Variants in IKZF2 observed in about 807,000 individuals in gnomAD.
IKZF2 encodes the protein IKAROS family zinc finger 2, also known as zinc finger protein Helios.
A neutral mutation model predicts 49.2 loss-of-function variants in IKZF2; 15 were observed. That is an observed-to-expected ratio of 0.30 (90% confidence interval 0.20 to 0.47). The LOEUF (loss-of-function observed/expected upper bound fraction) is 0.47. IKZF2 is among the 20% of genes least tolerant of loss of function. The pLI is 1.00. For missense variants in IKZF2, 567 were observed against 664.6 expected (o/e 0.85, Z 1.61); for synonymous variants, 227 against 221.4 (o/e 1.03, Z -0.23).
At chr2:213,146,055 T>C (rs2061046511) in intron 4 of IKZF2, among the ~76,000 whole-genome samples, 3 of 152,094 alleles carry the variant, frequency 2.0e-5, no homozygotes, top group Non-Finnish European at 4.4e-5. Flanking sequence ...GACAAGCATT[T>C]TCCTGTGGTT....
chr2:213,043,786 C>T (rs1477402773), intron 6 of IKZF2, among the ~76,000 whole-genome samples: 1 of 152,212 alleles, frequency 6.6e-6, no homozygotes, highest in African/African-American at 2.4e-5. Context: ...GGAGCTCAGG[C>T]AGTAATGCTT....
intron 5 of IKZF2, among the ~76,000 whole-genome samples, chr2:213,050,409 C>A (rs1406522332): frequency 6.6e-6 from 1 of 152,118 alleles, no homozygotes; most frequent in Non-Finnish European, 1.5e-5. Context: ...TTAAAATTGG[C>A]AGAAAATTTG....
At chr2:213,116,868 T>A (rs1030471312) in intron 4 of IKZF2, among the ~76,000 whole-genome samples, 1 of 152,108 alleles carries the variant, frequency 6.6e-6, no homozygotes, top group Non-Finnish European at 1.5e-5. Context: ...GCATTCATTC[T>A]ATCAAAAATG....
At position 213,013,912 on chromosome 2, in the gene IKZF2, C is replaced by T. The variant is rs1252484156; in HGVS notation, c.735G>A (p.Lys245=). 1 of 1,611,432 alleles carries T rather than the reference C, an allele frequency of 6.2e-7. No homozygotes were observed. Among genetic ancestry groups the T allele is most frequent in the Admixed American group, 1.7e-5 (1 of 59,862 alleles). Residue 245 remains lysine, a synonymous_variant, in exon 8 of 9, where the codon AAG becomes AAA. Coordinates refer to ENST00000434687, the MANE Select transcript of IKZF2 (RefSeq NM_001387220.1). ...SHHVPPMEDC[K]EQEPIMDNNI... The stretch of plus-strand genomic sequence containing the variant: ...TGTTGTCCATAATAGGCTCTTGTTC[C>T]TTACAATCTTCCATAGGAGGTACTA...
intron 8 of IKZF2, among the ~76,000 whole-genome samples, chr2:213,013,165 A>G (rs1228518190): frequency 6.6e-6 from 1 of 152,068 alleles, no homozygotes; most frequent in Admixed American, 6.6e-5. Context: ...AGATCCAAAT[A>G]TGAAACATCT....
At chr2:213,100,488 T>C (rs1395641955) in intron 4 of IKZF2, among the ~76,000 whole-genome samples, 4 of 152,028 alleles carry the variant, frequency 2.6e-5, no homozygotes, top group East Asian at 1.9e-4. Context: ...TTTTAAAAAA[T>C]AGTAAAATTG....
At chr2:213,124,958 A>T (rs2060210834) in intron 4 of IKZF2, among the ~76,000 whole-genome samples, 1 of 152,152 alleles carries the variant, frequency 6.6e-6, no homozygotes. Context: ...TTCTTTCTGT[A>T]TTCTTTGTTT....
intron 4 of IKZF2, among the ~76,000 whole-genome samples, chr2:213,135,526 C>G (rs2060624301): frequency 1.3e-5 from 2 of 151,560 alleles, no homozygotes. Context: ...GAGACCCTGA[C>G]TCTAAAAAAA....
At chr2:213,136,631 A>T (rs547147046) in intron 4 of IKZF2, among the ~76,000 whole-genome samples, 11 of 152,208 alleles carry the variant, frequency 7.2e-5, no homozygotes, top group African/African-American at 2.6e-4. Context: ...CTGGCTCCAT[A>T]CTTTCTTTTA....
At chr2:213,057,157 A>C in intron 4 of IKZF2, 58 bp from the exon 5 acceptor site, 1 of 1,424,370 alleles carries the variant, frequency 7.0e-7, no homozygotes, top group Non-Finnish European at 9.6e-7. Flanking sequence ...TCTCACCTAC[A>C]TCTCTTTTCT....
intron 8 of IKZF2, among the ~76,000 whole-genome samples, chr2:213,008,287 C>T (rs531098112): frequency 4.1e-4 from 61 of 150,376 alleles, no homozygotes; most frequent in Non-Finnish European, 4.3e-4. Flanking sequence ...GACAGAGTCT[C>T]AGGGTGTGAT....
intron 4 of IKZF2, among the ~76,000 whole-genome samples, chr2:213,080,807 A>G (rs1559247812): frequency 6.6e-6 from 1 of 152,298 alleles, no homozygotes; most frequent in South Asian, 2.1e-4. Context: ...AACTAATTCT[A>G]ATAGGTTTGA....
At chr2:213,016,845 G>C (rs913213754) in intron 7 of IKZF2, 4 of 152,112 alleles carry the variant, frequency 2.6e-5, no homozygotes, top group Non-Finnish European at 4.4e-5. Context: ...AGGGACCTAG[G>C]TTAGATCACA....
At chr2:213,128,091 T>C (rs1454585553) in intron 4 of IKZF2, among the ~76,000 whole-genome samples, 1 of 152,196 alleles carries the variant, frequency 6.6e-6, no homozygotes, top group Non-Finnish European at 1.5e-5. Context: ...GTTTTGTTTG[T>C]CTGTTTAATA....
At chr2:213,012,179 T>C (rs1696037422) in intron 8 of IKZF2, among the ~76,000 whole-genome samples, 1 of 152,008 alleles carries the variant, frequency 6.6e-6, no homozygotes. Flanking sequence ...TATATATTAC[T>C]AGGATAGAAT....
chr2:213,104,911 A>G (rs2059472432), intron 4 of IKZF2, among the ~76,000 whole-genome samples: 1 of 152,182 alleles, frequency 6.6e-6, no homozygotes, highest in African/African-American at 2.4e-5. Context: ...ACATTCACAT[A>G]TATGAACAGA....
chr2:213,036,167 T>C (rs926816444), intron 6 of IKZF2, among the ~76,000 whole-genome samples: 7 of 152,144 alleles, frequency 4.6e-5, no homozygotes, highest in African/African-American at 1.7e-4. Flanking sequence ...GTGCTGTGGG[T>C]GTGTATGTGT....
At chr2:213,113,683 C>T (rs2059785131) in intron 4 of IKZF2, among the ~76,000 whole-genome samples, 1 of 151,884 alleles carries the variant, frequency 6.6e-6, no homozygotes, top group Admixed American at 6.6e-5. Context: ...GGTTTTTTTC[C>T]CCTTATCTCT....
chr2:213,022,238 A>G (rs1697309321), intron 6 of IKZF2, 108 bp from the exon 7 acceptor site: 3 of 1,064,654 alleles, frequency 2.8e-6, no homozygotes, highest in Non-Finnish European at 3.9e-6. Context: ...TAATTTTCAG[A>G]CTTAAATCTC....
Sources: gnomAD v4.1 joint callset for allele counts (sites outside exome capture counted in the v4.1 genomes callset) on GRCh38, gnomAD v4.1.1 for gene constraint, MANE v1.5 for transcripts, NCBI Gene and HGNC (gene_info 2026-07-23, HGNC 2026-07-21) for gene names.